The following ASCC3 variants were observed in gnomAD, a reference collection of about 807,000 sequenced individuals.
The protein encoded by ASCC3 is activating signal cointegrator 1 complex subunit 3, also known as ASC-1 complex subunit P200.
In ASCC3, 158 loss-of-function variants were observed where a neutral mutation model predicts 256.3. The observed-to-expected ratio is 0.62, with a 90% CI of 0.54 to 0.70. ASCC3 has a LOEUF of 0.70. Ranked by LOEUF, ASCC3 falls within the 30% of genes least tolerant of loss-of-function variation. The pLI is 0.00. For synonymous variants in ASCC3, 948 were observed against 883.4 expected, an observed-to-expected ratio of 1.07 and a Z score of -1.30; for missense variants, 2,259 against 2,626.0, an observed-to-expected ratio of 0.86 and a Z score of 3.05.
At chr6:100,538,835 T>C (rs1043113213) in intron 37 of ASCC3, among the ~76,000 whole-genome samples, 2 of 152,070 alleles carry the variant, frequency 1.3e-5, no homozygotes, top group African/African-American at 4.8e-5. Flanking sequence ...ACTTAAATCT[T>C]TTGAAAATTT....
chr6:100,864,365 C>T (rs961371788), intron 2 of ASCC3, 151 bp from the exon 3 acceptor site: 5 of 639,868 alleles, frequency 7.8e-6, no homozygotes, highest in Non-Finnish European at 7.8e-6. Flanking sequence ...TGACTACTCA[C>T]AAAACAATTT....
chr6:100,713,815 T>C (rs1778971921), intron 13 of ASCC3, among the ~76,000 whole-genome samples: 1 of 152,202 alleles, frequency 6.6e-6, no homozygotes, highest in South Asian at 2.1e-4. Flanking sequence ...CACAGGTACA[T>C]TCCTTAGCTA....
intron 4 of ASCC3, among the ~76,000 whole-genome samples, chr6:100,827,083 T>C (rs954793082): frequency 6.6e-6 from 1 of 152,196 alleles, no homozygotes; most frequent in Admixed American, 6.5e-5. Flanking sequence ...TACTGTAAAA[T>C]GGTCCGCTCA....
intron 36 of ASCC3, among the ~76,000 whole-genome samples, chr6:100,587,496 G>A (rs1460599177): frequency 1.3e-5 from 2 of 152,140 alleles, no homozygotes; most frequent in African/African-American, 2.4e-5. Flanking sequence ...CCTTGTCAAT[G>A]TGAGTCCTAT....
At chr6:100,840,116 AAAG>A (rs1772065521) in intron 4 of ASCC3, among the ~76,000 whole-genome samples, 1 of 152,216 alleles carries the variant, frequency 6.6e-6, no homozygotes, top group South Asian at 2.1e-4. Flanking sequence ...GTGGAAGTGA[AAAG>A]AAACTTGGGA....
intron 13 of ASCC3, among the ~76,000 whole-genome samples, chr6:100,704,721 A>C (rs1031802715): frequency 1.3e-5 from 2 of 152,062 alleles, no homozygotes; most frequent in Admixed American, 1.3e-4. Context: ...GTTCAGCATT[A>C]ATCCAAGGTT....
At chr6:100,539,085 A>G (rs1309496317) in intron 37 of ASCC3, among the ~76,000 whole-genome samples, 1 of 152,132 alleles carries the variant, frequency 6.6e-6, no homozygotes, top group Non-Finnish European at 1.5e-5. Context: ...AATTCATTAG[A>G]AGAGTCTGTT....
Position 100,605,552 on chromosome 6 carries a change from T to C in ASCC3, c.5177+16A>G, listed in dbSNP as rs751880379. The C allele has an allele frequency of 2.1e-6, 3 of 1,453,914 alleles. No individual in the cohort carries two copies. Among genetic ancestry groups the C allele is most frequent in the East Asian group, 2.3e-5 (1 of 43,984 alleles). 90.1% of individuals were successfully genotyped at this position (1,453,914 alleles called of 1,614,324 possible). ...GATTAAATAAATCCATTTAAACTAA[T>C]TTAAATAAGATTTACCTTGATTCTA... On this transcript the variant is annotated intron_variant, in intron 33 of 41. Transcript: ENST00000369162.
chr6:100,621,013 C>T (rs1773925576), intron 30 of ASCC3, among the ~76,000 whole-genome samples: 2 of 152,110 alleles, frequency 1.3e-5, no homozygotes, highest in Admixed American at 1.3e-4. Context: ...CTTTTAGAAT[C>T]AGTACTAAAA....
chr6:100,554,562 GA>G (rs1266312240), intron 36 of ASCC3, among the ~76,000 whole-genome samples: 1 of 152,128 alleles, frequency 6.6e-6, no homozygotes, highest in Admixed American at 6.6e-5. Flanking sequence ...TAAAGTTAAT[GA>G]GTTCTAGACT....
chr6:100,776,725 T>A (rs1489152120), intron 8 of ASCC3, among the ~76,000 whole-genome samples: 1 of 152,048 alleles, frequency 6.6e-6, no homozygotes, highest in East Asian at 1.9e-4. Context: ...TCATTTTTTA[T>A]AATAATCATA....
At chr6:100,843,284 T>C (rs1772233275) in intron 4 of ASCC3, among the ~76,000 whole-genome samples, 1 of 152,018 alleles carries the variant, frequency 6.6e-6, no homozygotes, top group African/African-American at 2.4e-5. Flanking sequence ...TCTAACCAAA[T>C]AACTCACACT....
At chr6:100,733,707 T>C (rs1780014883) in intron 10 of ASCC3, among the ~76,000 whole-genome samples, 1 of 152,190 alleles carries the variant, frequency 6.6e-6, no homozygotes, top group African/African-American at 2.4e-5. Flanking sequence ...CATGAGACAA[T>C]TACTTATAGT....
chr6:100,560,239 T>G (rs373522868), intron 36 of ASCC3, among the ~76,000 whole-genome samples: 10 of 152,308 alleles, frequency 6.6e-5, no homozygotes, highest in African/African-American at 2.2e-4. Context: ...TTTAGAGATA[T>G]CAATATTTTG....
chr6:100,628,092 A>C (rs1774335134), intron 27 of ASCC3, 105 bp from the exon 28 acceptor site: 1 of 656,628 alleles, frequency 1.5e-6, no homozygotes, highest in African/African-American at 2.0e-5. Context: ...AAACAAAAAC[A>C]AAAAAAAAAA....
chr6:100,679,755 GA>G lies in ASCC3; in HGVS notation c.2152-4del. On this transcript the variant is annotated splice_region_variant and splice_polypyrimidine_tract_variant and intron_variant, in intron 13 of 41. Transcript: ENST00000369162. ...CGAGCATGTACAAACACCATCACCTGAAAAAAAGGAAAGCAGTTTATTTAAT... is the reference window on the plus strand; with the variant it reads ...CGAGCATGTACAAACACCATCACCTGAAAAAAGGAAAGCAGTTTATTTAAT... The G allele has an allele frequency of 6.2e-7, 1 of 1,612,760 alleles. No individual in the cohort carries two copies. The highest frequency in any genetic ancestry group is 8.5e-7 in the Non-Finnish European group (1 of 1,179,304).
At chr6:100,712,111 ATTAAC>A (rs925037368) in intron 13 of ASCC3, among the ~76,000 whole-genome samples, 9 of 152,348 alleles carry the variant, frequency 5.9e-5, no homozygotes, top group Admixed American at 5.9e-4. Context: ...CTTTTACAAA[ATTAAC>A]TTAAAATGGA....
chr6:100,699,913 G>C (rs1163832295), intron 13 of ASCC3, among the ~76,000 whole-genome samples: 1 of 152,134 alleles, frequency 6.6e-6, no homozygotes, highest in African/African-American at 2.4e-5. Flanking sequence ...AAGTAACTTG[G>C]GTGCTGTTAA....
intron 8 of ASCC3, among the ~76,000 whole-genome samples, chr6:100,793,733 GAAAGGTTAAGTAACTTGCCT>G (rs67676435): frequency 0.94 from 141,727 of 150,954 alleles, 66,839 homozygotes; most frequent in South Asian, 0.99. Flanking sequence ...ATGTGTTGCA[GAAAGGTTAAGTAACTTGCCT>G]AAAGGTTAAG....
Sources: allele counts gnomAD v4.1 joint callset (sites outside exome capture counted in the v4.1 genomes callset), GRCh38; gene constraint gnomAD v4.1.1; transcripts MANE v1.5; gene names NCBI Gene and HGNC (gene_info 2026-07-23, HGNC 2026-07-21).